Variants in DLG2 observed in about 807,000 individuals in gnomAD.
DLG2 encodes discs large MAGUK scaffold protein 2, also known as disks large homolog 2.
A neutral mutation model predicts 132.5 loss-of-function variants in DLG2; 45 were observed. The ratio of observed to expected loss-of-function variants is 0.34; its 90% CI spans 0.27 to 0.44. The LOEUF (loss-of-function observed/expected upper bound fraction) is 0.44, where lower values mean the gene tolerates loss of function less well. Among genes scored for constraint, DLG2 ranks in the 20% least tolerant of loss-of-function variants. The pLI, the probability that DLG2 is intolerant of heterozygous loss-of-function variation, is 1.00. For missense variants in DLG2, 1,045 were observed against 1,196.9 expected, an observed-to-expected ratio of 0.87 and a Z score of 1.87; for synonymous variants, 424 against 419.6, an observed-to-expected ratio of 1.01 and a Z score of -0.13.
intron 7 of DLG2, among the ~76,000 whole-genome samples, chr11:84,357,958 T>C (rs1463800689): frequency 1.3e-5 from 2 of 151,958 alleles, no homozygotes; most frequent in Non-Finnish European, 2.9e-5. Context: ...TATATATACC[T>C]ACCTGGAAAC....
At chr11:84,728,138 T>C (rs964784140) in intron 6 of DLG2, among the ~76,000 whole-genome samples, 1 of 152,054 alleles carries the variant, frequency 6.6e-6, no homozygotes, top group African/African-American at 2.4e-5. Flanking sequence ...TGAATAGGAG[T>C]GGTGAGAGAG....
chr11:85,609,119 T>A (rs2080806315), intron 2 of DLG2, among the ~76,000 whole-genome samples: 1 of 152,106 alleles, frequency 6.6e-6, no homozygotes, highest in African/African-American at 2.4e-5. Context: ...AAAAAGCCCA[T>A]GAATTACTCA....
At chr11:84,530,142 A>G (rs954826143) in intron 7 of DLG2, among the ~76,000 whole-genome samples, 1 of 152,196 alleles carries the variant, frequency 6.6e-6, no homozygotes, top group African/African-American at 2.4e-5. Context: ...AAAAAAATCA[A>G]CTCAAGATGG....
chr11:84,672,518 T>C (rs2099706998), intron 6 of DLG2, among the ~76,000 whole-genome samples: 1 of 152,194 alleles, frequency 6.6e-6, no homozygotes, highest in South Asian at 2.1e-4. Context: ...TTAAGTCTAA[T>C]ATTCACTCAT....
intron 3 of DLG2, among the ~76,000 whole-genome samples, chr11:85,466,156 T>A (rs1033436379): frequency 2.8e-4 from 43 of 151,878 alleles, no homozygotes; most frequent in Admixed American, 8.5e-4. Context: ...TGGGGTTGCT[T>A]GTTTTTTTCT....
At chr11:84,908,111 C>G (rs1158510723) in intron 6 of DLG2, among the ~76,000 whole-genome samples, 1 of 151,876 alleles carries the variant, frequency 6.6e-6, no homozygotes, top group Non-Finnish European at 1.5e-5. Flanking sequence ...CTTTAGCCTC[C>G]ACAACAGCAA....
intron 18 of DLG2, among the ~76,000 whole-genome samples, chr11:83,741,359 A>C (rs2092494763): frequency 6.6e-6 from 1 of 152,180 alleles, no homozygotes; most frequent in Non-Finnish European, 1.5e-5. Flanking sequence ...AGAAGAAATA[A>C]AACTATCACT....
chr11:84,040,773 T>C (rs1226042878), intron 11 of DLG2, among the ~76,000 whole-genome samples: 2 of 151,330 alleles, frequency 1.3e-5, no homozygotes, highest in African/African-American at 2.4e-5. Context: ...CATTGGTAGC[T>C]TGATGGGGAT....
chr11:85,477,480 G>A (rs11234350), intron 3 of DLG2, among the ~76,000 whole-genome samples: 5,572 of 152,190 alleles, frequency 0.037, 302 homozygotes, highest in African/African-American at 0.12. Flanking sequence ...CTACTACTAC[G>A]GAAGATTACA....
At chr11:83,955,180 T>C (rs1303441970) in intron 14 of DLG2, among the ~76,000 whole-genome samples, 3 of 152,182 alleles carry the variant, frequency 2.0e-5, no homozygotes, top group African/African-American at 4.8e-5. Flanking sequence ...AACAAACCTA[T>C]GATGTAGAAA....
chr11:85,483,826 C>T, intron 3 of DLG2, among the ~76,000 whole-genome samples: 1 of 151,110 alleles, frequency 6.6e-6, no homozygotes, highest in Non-Finnish European at 1.5e-5. Context: ...CACCTGTAAT[C>T]CCAGCTACTC....
chr11:84,070,779 T>C (rs912598860), intron 10 of DLG2, among the ~76,000 whole-genome samples: 1 of 152,244 alleles, frequency 6.6e-6, no homozygotes, highest in Non-Finnish European at 1.5e-5. Flanking sequence ...TTTCTCTGTG[T>C]GTTTGAGTAC....
chr11:83,760,548 G>A (rs2093858450), intron 18 of DLG2, among the ~76,000 whole-genome samples: 1 of 151,946 alleles, frequency 6.6e-6, no homozygotes, highest in African/African-American at 2.4e-5. Flanking sequence ...TAGAGATAGG[G>A]TTTCACCATG....
At chr11:84,166,196 C>G (rs922435038) in intron 8 of DLG2, among the ~76,000 whole-genome samples, 3 of 152,114 alleles carry the variant, frequency 2.0e-5, no homozygotes, top group Non-Finnish European at 4.4e-5. Context: ...TGAGACAGAA[C>G]AAAAGAACTA....
At chr11:84,766,600 T>C (rs1354750489) in intron 6 of DLG2, among the ~76,000 whole-genome samples, 1 of 152,054 alleles carries the variant, frequency 6.6e-6, no homozygotes, top group African/African-American at 2.4e-5. Context: ...GATGAAGAAA[T>C]TAACCGACTT....
chr11:84,757,523 C>T (rs1417923984), intron 6 of DLG2, among the ~76,000 whole-genome samples: 2 of 152,060 alleles, frequency 1.3e-5, no homozygotes, highest in Non-Finnish European at 2.9e-5. Flanking sequence ...GTCCATGTTG[C>T]CTGAGGCTGA....
At chr11:83,537,705 C>T (rs925831416) in intron 20 of DLG2, among the ~76,000 whole-genome samples, 3 of 147,922 alleles carry the variant, frequency 2.0e-5, no homozygotes, top group African/African-American at 7.5e-5. Context: ...ATCCCAGCTA[C>T]TCAGGAGGCT....
At chr11:83,611,367 T>C (rs1031926164) in intron 19 of DLG2, among the ~76,000 whole-genome samples, 26 of 152,278 alleles carry the variant, frequency 1.7e-4, no homozygotes, top group African/African-American at 5.8e-4. Flanking sequence ...TAGGAGGCCA[T>C]GCTGTTCGAT....
intron 21 of DLG2, among the ~76,000 whole-genome samples, chr11:83,507,758 TTATATATATATATATATA>T (rs59086507): frequency 0.22 from 21,671 of 99,932 alleles, 2,414 homozygotes; most frequent in Middle Eastern, 0.3. Context: ...TATATTTTTA[TTATATATATATATATATA>T]TATATATATA....
Sources: allele counts gnomAD v4.1 joint callset (sites outside exome capture counted in the v4.1 genomes callset), GRCh38; gene constraint gnomAD v4.1.1; transcripts MANE v1.5; gene names NCBI Gene and HGNC (gene_info 2026-07-23, HGNC 2026-07-21).